The following SNTB2 variants were observed in gnomAD, a reference collection of about 807,000 sequenced individuals.
SNTB2 encodes beta-2-syntrophin.
In SNTB2, 34 loss-of-function variants were observed where a neutral mutation model predicts 46.2. That is an observed-to-expected ratio of 0.74 (90% confidence interval 0.56 to 0.98). SNTB2 has a LOEUF of 0.98. Ranked by LOEUF, SNTB2 falls within the 50% of genes least tolerant of loss-of-function variation. The pLI, the probability that SNTB2 is intolerant of heterozygous loss-of-function variation, is 0.00. For synonymous variants in SNTB2, 290 were observed against 312.6 expected, an observed-to-expected ratio of 0.93 and a Z score of 0.76; for missense variants, 603 against 731.4, an observed-to-expected ratio of 0.82 and a Z score of 2.02.
chr16:69,299,897 T>TA (rs1597206429), intron 6 of SNTB2, 123 bp downstream of exon 6: 22 of 1,113,716 alleles, frequency 2.0e-5, no homozygotes, highest in East Asian at 7.8e-5. Flanking sequence ...AATTTTAAAT[T>TA]AAAAAAAATT....
At chr16:69,241,912 G>A (rs1964619959) in intron 1 of SNTB2, 1 of 122,982 alleles carries the variant, frequency 8.1e-6, no homozygotes, top group African/African-American at 3.3e-5. Flanking sequence ...CTGGGTGATA[G>A]AGCCAGACCT....
intron 1 of SNTB2, among the ~76,000 whole-genome samples, chr16:69,220,691 G>T (rs1964395232): frequency 6.6e-6 from 1 of 151,756 alleles, no homozygotes. Flanking sequence ...CCACATGCTT[G>T]GCTAATTAAA....
chr16:69,201,972 A>C (rs1964166236), intron 1 of SNTB2, among the ~76,000 whole-genome samples: 1 of 152,180 alleles, frequency 6.6e-6, no homozygotes, highest in Non-Finnish European at 1.5e-5. Flanking sequence ...GAAGCAACAC[A>C]AGCTGATAGG....
At chr16:69,225,852 C>T (rs1184660921) in intron 1 of SNTB2, among the ~76,000 whole-genome samples, 3 of 152,102 alleles carry the variant, frequency 2.0e-5, no homozygotes, top group African/African-American at 4.8e-5. Flanking sequence ...AGTGCAGCCT[C>T]CGCCTCCTGG....
chr16:69,268,824 C>T (rs950706054), intron 3 of SNTB2, among the ~76,000 whole-genome samples: 9 of 151,136 alleles, frequency 6.0e-5, no homozygotes, highest in African/African-American at 9.7e-5. Context: ...GAAATCGCGC[C>T]GCTGCCCTCC....
At chr16:69,196,052 A>G (rs895409215) in intron 1 of SNTB2, among the ~76,000 whole-genome samples, 4 of 152,148 alleles carry the variant, frequency 2.6e-5, no homozygotes, top group Admixed American at 2.6e-4. Flanking sequence ...AGCCTGCACA[A>G]CATGGCGAGA....
intron 1 of SNTB2, among the ~76,000 whole-genome samples, chr16:69,197,252 G>GC (rs560521501): frequency 3.0e-4 from 45 of 152,160 alleles, no homozygotes; most frequent in Admixed American, 1.6e-3. Flanking sequence ...GAATAAGTGA[G>GC]CAAGTAGTAG....
chr16:69,295,230 A>ATTTTTTTT (rs1160903028), intron 5 of SNTB2, among the ~76,000 whole-genome samples: 1 of 81,916 alleles, frequency 1.2e-5, no homozygotes. Flanking sequence ...AACATACTGA[A>ATTTTTTTT]TTTTTTTTTT....
intron 1 of SNTB2, among the ~76,000 whole-genome samples, chr16:69,208,990 G>GTGTGTGTGTGTGTGTGTGTGTGTGTTTT (rs1488187077): frequency 2.0e-5 from 3 of 152,100 alleles, no homozygotes; most frequent in African/African-American, 7.2e-5. Flanking sequence ...GTGTGTGTGT[G>GTGTGTGTGTGTGTGTGTGTGTGTGTTTT]TTTTTGAGAT....
intron 1 of SNTB2, among the ~76,000 whole-genome samples, chr16:69,220,395 T>C (rs1964391636): frequency 6.6e-6 from 1 of 151,154 alleles, no homozygotes. Context: ...TCTCCTGACC[T>C]CTGATCCTCC....
chr16:69,187,516 G>A lies in SNTB2; in HGVS notation c.350G>A (p.Arg117Gln). The change falls in exon 1 of 7, where the codon CGG becomes CAG. Residue 117 changes from arginine (R) to glutamine (Q), a missense_variant. This residue lies in a region of SNTB2 where 537 missense variants were observed against 692.4 expected (regional missense o/e 0.78). Transcript: ENST00000336278. ...GCGTCGCCGCCCGTGCGCCGGGTGC[G>A]GGTGGTGAAGCAAGAGGCGGGCGGC... Reference protein sequence around the residue: ...AGASPPVRRVRVVKQEAGGLG... With the variant: ...AGASPPVRRVQVVKQEAGGLG... 1 of 1,345,528 alleles carries A rather than the reference G, an allele frequency of 7.4e-7. No homozygotes were observed. The highest frequency in any genetic ancestry group is 9.6e-7 in the Non-Finnish European group (1 of 1,036,442). 83.3% of individuals were successfully genotyped at this position (1,345,528 alleles called of 1,614,324 possible).
At chr16:69,285,465 T>G (rs1220724049) in intron 5 of SNTB2, among the ~76,000 whole-genome samples, 1 of 145,856 alleles carries the variant, frequency 6.9e-6, no homozygotes, top group Non-Finnish European at 1.5e-5. Flanking sequence ...ATTTATTTAT[T>G]TATTTATTTA....
intron 1 of SNTB2, among the ~76,000 whole-genome samples, chr16:69,225,043 A>C (rs1243736116): frequency 6.6e-6 from 1 of 152,236 alleles, no homozygotes; most frequent in East Asian, 1.9e-4. Flanking sequence ...ACACGAAGAC[A>C]TCTTTGTCTT....
intron 4 of SNTB2, among the ~76,000 whole-genome samples, chr16:69,277,167 C>G (rs577133124): frequency 6.6e-6 from 1 of 152,284 alleles, no homozygotes; most frequent in African/African-American, 2.4e-5. Flanking sequence ...TGTCACATCA[C>G]CAAAATGAGT....
intron 2 of SNTB2, among the ~76,000 whole-genome samples, chr16:69,246,348 T>C (rs1053547712): frequency 5.3e-5 from 8 of 152,214 alleles, no homozygotes; most frequent in African/African-American, 1.9e-4. Flanking sequence ...GCTCTGTTTA[T>C]ATGCTGGATT....
At chr16:69,239,066 C>T (rs901219350) in intron 1 of SNTB2, among the ~76,000 whole-genome samples, 2 of 152,174 alleles carry the variant, frequency 1.3e-5, no homozygotes, top group African/African-American at 2.4e-5. Flanking sequence ...GGTCTCCTTA[C>T]TGTCTAACAC....
chr16:69,283,937 C>T, intron 4 of SNTB2, 111 bp from the exon 5 acceptor site: 2 of 1,009,942 alleles, frequency 2.0e-6, no homozygotes, highest in Non-Finnish European at 2.9e-6. Context: ...TGTCTATATC[C>T]AAAAACTGCT....
In SNTB2 at chr16:69,289,584, C is replaced by T. The variant is rs1380468002; in HGVS notation, c.1345+5340C>T. On this transcript the variant is annotated intron_variant, in intron 5 of 6. Transcript: ENST00000336278. ...ATCATTACACATTTTACACATGTAA[C>T]AAAATATCAGGTAACAAAATATCGC... Among the ~76,000 whole-genome samples, 9 of 152,136 alleles carry T rather than the reference C, an allele frequency of 5.9e-5. No homozygotes were observed. The East Asian group carries it at 1.7e-3, about 29-fold the overall frequency.
In SNTB2 at chr16:69,227,840, G is replaced by A. The variant is rs1054002207; in HGVS notation, c.581-17762G>A. ...GAATGGTTAGCTTGCTGTTTCTCTG[G>A]ATTTTTTTTTTTTTTTTTTTTTTTT... is the stretch of plus-strand genomic sequence containing the variant. On this transcript the variant is annotated intron_variant, in intron 1 of 6. Coordinates refer to ENST00000336278, the MANE Select transcript of SNTB2 (RefSeq NM_006750.4). Among the ~76,000 whole-genome samples the A allele has an allele frequency of 7.8e-5, 10 of 127,680 alleles. No individual in the cohort carries two copies. In the Admixed American group the frequency reaches 9.1e-4, roughly 12 times the overall value. The allele number at this position is 127,680 out of a possible 152,430, so 83.8% of individuals were successfully genotyped here.
Sources: allele counts gnomAD v4.1 joint callset (sites outside exome capture counted in the v4.1 genomes callset), GRCh38; gene constraint gnomAD v4.1.1; regional missense constraint gnomAD v4.1.1; transcripts MANE v1.5; gene names NCBI Gene and HGNC (gene_info 2026-07-23, HGNC 2026-07-21).